The following COPA variants were observed in gnomAD, a reference collection of about 807,000 sequenced individuals.
COPA encodes the protein coat protein complex I subunit alpha.
Under a neutral mutation model 158.7 loss-of-function variants are expected in COPA, and 10 were observed. The ratio of observed to expected loss-of-function variants is 0.06; its 90% CI spans 0.04 to 0.11. The LOEUF is 0.11. COPA is among the 10% of genes least tolerant of loss of function. COPA has a pLI of 1.00. For missense variants in COPA, 1,065 were observed against 1,536.7 expected (o/e 0.69, Z 5.13); for synonymous variants, 462 against 542.8 (o/e 0.85, Z 2.07).
At chr1:160,301,133 G>C (rs1443104406) in intron 17 of COPA, among the ~76,000 whole-genome samples, 1 of 151,872 alleles carries the variant, frequency 6.6e-6, no homozygotes, top group Non-Finnish European at 1.5e-5. Context: ...CTCCAGCCTG[G>C]GGTGAGACTC....
chr1:160,324,959 C>G (rs558996816), intron 7 of COPA, among the ~76,000 whole-genome samples: 2 of 151,998 alleles, frequency 1.3e-5, no homozygotes. Flanking sequence ...CATGATGCAG[C>G]GAAAAGCACC....
chr1:160,335,386 A>G, intron 3 of COPA, 64 bp from the exon 4 acceptor site: 1 of 1,300,398 alleles, frequency 7.7e-7, no homozygotes, highest in Admixed American at 2.2e-5. Flanking sequence ...GCTCAGAGAA[A>G]TTGATATCTT....
chr1:160,342,345 C>G (rs1179850686), intron 1 of COPA, among the ~76,000 whole-genome samples: 1 of 152,064 alleles, frequency 6.6e-6, no homozygotes, highest in Non-Finnish European at 1.5e-5. Context: ...TCTTCGGAGA[C>G]CTTACTTCTC....
At position 160,291,359 on chromosome 1, in the gene COPA, C is replaced by A. The variant is rs1557859300; in HGVS notation, c.3396G>T (p.Gly1132=). The change falls in exon 31 of 33, where the codon GGG becomes GGT. Residue 1132 remains glycine (G), a synonymous_variant. Coordinates refer to ENST00000241704, the MANE Select transcript of COPA (RefSeq NM_004371.4). Reference sequence around the variant, plus strand: ...CCTGTTGGGCCACCTCAGGCTTGGGCCCGAGTTCTAGTAGGCGCCGAGCAA... The same window carrying A: ...CCTGTTGGGCCACCTCAGGCTTGGGACCGAGTTCTAGTAGGCGCCGAGCAA... ...ATFARRLLEL[G]PKPEVAQQTR... 5.6e-6 allele frequency: 9 copies of A among 1,613,700 alleles called. No individual in the cohort carries two copies. Among genetic ancestry groups the A allele is most frequent in the African/African-American group, 5.3e-5 (4 of 74,898 alleles).
chr1:160,337,749 CAAAA>C (rs1320454026), intron 3 of COPA, among the ~76,000 whole-genome samples: 3 of 137,948 alleles, frequency 2.2e-5, no homozygotes, highest in African/African-American at 7.8e-5. Flanking sequence ...AACAAACAAA[CAAAA>C]AACAAACCAA....
At chr1:160,340,443 G>A (rs915426682) in intron 1 of COPA, 149 bp from the exon 2 acceptor site, 3 of 604,964 alleles carry the variant, frequency 5.0e-6, no homozygotes, top group South Asian at 2.0e-5. Context: ...GCCAGACATC[G>A]TGAATTTTAT....
At chr1:160,311,580 T>C (rs1658967689) in intron 11 of COPA, among the ~76,000 whole-genome samples, 1 of 151,974 alleles carries the variant, frequency 6.6e-6, no homozygotes, top group Admixed American at 6.6e-5. Flanking sequence ...AAACCGTCTC[T>C]ACTAAAAAAT....
At chr1:160,314,986 T>TAG (rs1409307493) in intron 8 of COPA, among the ~76,000 whole-genome samples, 1 of 152,182 alleles carries the variant, frequency 6.6e-6, no homozygotes, top group Non-Finnish European at 1.5e-5. Flanking sequence ...AACAGTGGTA[T>TAG]AGAAGCAAGC....
chr1:160,331,287 TA>T (rs1178294259), intron 6 of COPA, among the ~76,000 whole-genome samples: 1 of 152,142 alleles, frequency 6.6e-6, no homozygotes, highest in Non-Finnish European at 1.5e-5. Context: ...ATGTAAACTG[TA>T]AAAGGAGGAA....
At position 160,338,552 on chromosome 1, in the gene COPA, T is replaced by C. The variant is rs188603241; in HGVS notation, c.228+1357A>G. On this transcript the variant is annotated intron_variant, in intron 3 of 32. Coordinates refer to ENST00000241704, the MANE Select transcript of COPA (RefSeq NM_004371.4). ...CAGAGGAAATTTTGATTTATTTTTA[T>C]AGGTTGCTAGTCTCTGGCTCTAACT... Among the ~76,000 whole-genome samples, 81 of 152,346 alleles carry C rather than the reference T, an allele frequency of 5.3e-4. 1 individual carries two copies. Among genetic ancestry groups the C allele is most frequent in the African/African-American group, 1.8e-3 (75 of 41,586 alleles).
At chr1:160,310,353 T>G (rs1287795844) in intron 11 of COPA, 95 bp from the exon 12 acceptor site, 3 of 645,862 alleles carry the variant, frequency 4.6e-6, no homozygotes, top group Non-Finnish European at 8.1e-6. Context: ...TTATCCAATC[T>G]TTACACTATA....
At chr1:160,304,751 G>C (rs539828732) in intron 17 of COPA, among the ~76,000 whole-genome samples, 16 of 152,308 alleles carry the variant, frequency 1.1e-4, no homozygotes, top group African/African-American at 3.6e-4. Context: ...ACACTCTAGA[G>C]AAATGTATGT....
intron 8 of COPA, chr1:160,317,261 C>A: frequency 1.4e-6 from 1 of 740,572 alleles, no homozygotes; most frequent in Non-Finnish European, 2.4e-6. Context: ...AAGAAAAAAA[C>A]ACTAATGTGG....
chr1:160,295,905 GT>G, intron 22 of COPA, 46 bp from the exon 23 acceptor site: 2 of 1,583,324 alleles, frequency 1.3e-6, no homozygotes, highest in South Asian at 2.3e-5. Context: ...GCACTTGGAA[GT>G]CACGTAAGGA....
rs1013248551 is a variant in COPA at position 160,320,977 on chromosome 1, T to C, written c.706+2454A>G. On this transcript the variant is annotated intron_variant, in intron 8 of 32. Coordinates refer to ENST00000241704, the MANE Select transcript of COPA (RefSeq NM_004371.4). ...CAAAATATTAGCAAACCAAATTCAA[T>C]AGTATACTGATAAGATCATTTACTA... is the stretch of plus-strand genomic sequence containing the variant. Among the ~76,000 whole-genome samples the C allele has an allele frequency of 3.8e-4, 58 of 152,056 alleles. 1 individual carries two copies. Among genetic ancestry groups the C allele is most frequent in the Non-Finnish European group, 4.4e-5 (3 of 68,000 alleles).
intron 11 of COPA, among the ~76,000 whole-genome samples, chr1:160,311,123 T>A (rs73027702): frequency 0.014 from 2,090 of 152,122 alleles, 47 homozygotes; most frequent in African/African-American, 0.048. Flanking sequence ...TGTGACAGAA[T>A]ACGAGATCCA....
intron 7 of COPA, 67 bp downstream of exon 7, chr1:160,325,476 G>T: frequency 7.7e-7 from 1 of 1,299,072 alleles, no homozygotes; most frequent in Non-Finnish European, 1.1e-6. Context: ...ATGAATAAAT[G>T]AACAACATAC....
At chr1:160,308,395 T>A (rs973049523) in intron 13 of COPA, among the ~76,000 whole-genome samples, 1 of 152,192 alleles carries the variant, frequency 6.6e-6, no homozygotes, top group African/African-American at 2.4e-5. Flanking sequence ...GCTAGCAAAT[T>A]ATTTCTTAGG....
chr1:160,333,963 A>G (rs1647649870), intron 4 of COPA, among the ~76,000 whole-genome samples: 1 of 87,498 alleles, frequency 1.1e-5, no homozygotes, highest in South Asian at 4.1e-4. Context: ...ATTTACTTCT[A>G]TATGTGTGTG....
Sources: gnomAD v4.1 joint callset for allele counts (sites outside exome capture counted in the v4.1 genomes callset) on GRCh38, gnomAD v4.1.1 for gene constraint, MANE v1.5 for transcripts, NCBI Gene and HGNC (gene_info 2026-07-23, HGNC 2026-07-21) for gene names.